DLG2: variants seen among roughly 807,000 people sequenced by gnomAD.
DLG2 encodes disks large homolog 2.
In DLG2, 45 loss-of-function variants were observed where a neutral mutation model predicts 132.5. The observed-to-expected ratio is 0.34, with a 90% CI of 0.27 to 0.44. The LOEUF (loss-of-function observed/expected upper bound fraction) is 0.44, where lower values mean the gene tolerates loss of function less well. Ranked by LOEUF, DLG2 falls within the 20% of genes least tolerant of loss-of-function variation. The pLI, the probability that DLG2 is intolerant of heterozygous loss-of-function variation, is 1.00. For missense variants in DLG2, 1,045 were observed against 1,196.9 expected (o/e 0.87, Z 1.87); for synonymous variants, 424 against 419.6 (o/e 1.01, Z -0.13).
intron 18 of DLG2, among the ~76,000 whole-genome samples, chr11:83,724,458 C>CGT (rs150976898): frequency 0.076 from 9,221 of 121,180 alleles, 496 homozygotes; most frequent in African/African-American, 0.17. Flanking sequence ...TCTCTCTCTC[C>CGT]GTGTGTGTGT....
chr11:85,513,571 A>G (rs2094119064), intron 3 of DLG2, among the ~76,000 whole-genome samples: 1 of 151,896 alleles, frequency 6.6e-6, no homozygotes, highest in Non-Finnish European at 1.5e-5. Flanking sequence ...TTCAATGAGC[A>G]CTTATCTTTC....
intron 6 of DLG2, among the ~76,000 whole-genome samples, chr11:85,028,346 C>CTCACCATAAGTTCT (rs2060714452): frequency 6.6e-6 from 1 of 152,172 alleles, no homozygotes; most frequent in African/African-American, 2.4e-5. Context: ...TCACTGTAAG[C>CTCACCATAAGTTCT]CACGGACTCT....
At chr11:84,782,813 T>C (rs750531618) in intron 6 of DLG2, among the ~76,000 whole-genome samples, 1 of 152,172 alleles carries the variant, frequency 6.6e-6, no homozygotes, top group Non-Finnish European at 1.5e-5. Flanking sequence ...TGGTCCTATA[T>C]AGTTATTTTG....
chr11:85,237,346 A>G (rs1445300001), intron 4 of DLG2, among the ~76,000 whole-genome samples: 5 of 152,120 alleles, frequency 3.3e-5, no homozygotes, highest in Non-Finnish European at 5.9e-5. Context: ...GGGTTTGTAC[A>G]AAAACCCTTA....
chr11:84,097,119 T>A (rs1304697612), intron 10 of DLG2, among the ~76,000 whole-genome samples: 8 of 152,212 alleles, frequency 5.3e-5, no homozygotes. Flanking sequence ...TGTGGCTCCA[T>A]GCACGCTAAA....
intron 6 of DLG2, among the ~76,000 whole-genome samples, chr11:84,868,580 TAGGAGGCAGTTGACTTTTGAA>T (rs1212050520): frequency 1.3e-5 from 2 of 152,094 alleles, no homozygotes; most frequent in African/African-American, 4.8e-5. Context: ...TCTCCTAGGC[TAGGAGGCAGTTGACTTTTGAA>T]AGGAAATAGG....
At chr11:85,126,675 G>C (rs896859931) in intron 5 of DLG2, among the ~76,000 whole-genome samples, 7 of 151,970 alleles carry the variant, frequency 4.6e-5, no homozygotes, top group Non-Finnish European at 1.0e-4. Context: ...CAGACATTTG[G>C]TTGGAATGAC....
At chr11:85,215,566 T>C (rs1002038567) in intron 4 of DLG2, among the ~76,000 whole-genome samples, 10 of 152,146 alleles carry the variant, frequency 6.6e-5, no homozygotes, top group African/African-American at 2.4e-4. Context: ...TTTTTAATTA[T>C]AGGAGACGAT....
chr11:84,031,480 A>C (rs1593485762), intron 11 of DLG2, among the ~76,000 whole-genome samples: 1 of 152,256 alleles, frequency 6.6e-6, no homozygotes, highest in Admixed American at 6.6e-5. Context: ...AAAAGGAGGG[A>C]TGAATTAATT....
intron 6 of DLG2, among the ~76,000 whole-genome samples, chr11:84,589,972 T>C (rs1168446939): frequency 6.6e-6 from 1 of 152,234 alleles, no homozygotes; most frequent in Non-Finnish European, 1.5e-5. Context: ...GTGTACCACC[T>C]ATGTTTAATA....
At position 84,493,833 on chromosome 11, in the gene DLG2, G is replaced by T. The variant is rs550269741; in HGVS notation, c.519+40737C>A. On this transcript the variant is annotated intron_variant, in intron 7 of 27. Transcript: ENST00000376104. ...CAAAAAAAGGATGTTAAAAAAACTA[G>T]TGATACTTCACATCTCTTCAATAAT... 6.4e-4 allele frequency among the ~76,000 whole-genome samples: 98 copies of T among 152,294 alleles called. 1 individual carries two copies. Among genetic ancestry groups the T allele is most frequent in the Admixed American group, 9.2e-4 (14 of 15,290 alleles).
intron 8 of DLG2, among the ~76,000 whole-genome samples, chr11:84,174,020 T>A (rs954763069): frequency 7.2e-6 from 1 of 138,290 alleles, no homozygotes; most frequent in African/African-American, 2.7e-5. Context: ...CGGCCTTTTT[T>A]TTTTTTTTTT....
Position 84,861,631 on chromosome 11 carries a change from AAAAAAAAAC to A in DLG2, c.357+250021_357+250029del, listed in dbSNP as rs1179064301. Among the ~76,000 whole-genome samples the A allele has an allele frequency of 5.6e-4, 41 of 73,014 alleles. 2 individuals carry two copies. The highest frequency in any genetic ancestry group is 9.9e-4 in the African/African-American group (20 of 20,174). 47.9% of individuals were successfully genotyped at this position (73,014 alleles called of 152,430 possible). A position where few individuals can be genotyped will look rare whatever the true frequency, so the allele number is the denominator to read the frequency against. ...GCTTCTACACAGCAAAAAAAAAAAA[AAAAAAAAAC>A]AAAAAAAAAAACCTATCAGAGGGAA... On this transcript the variant is annotated intron_variant, in intron 6 of 27. Coordinates refer to ENST00000376104, the MANE Select transcript of DLG2 (RefSeq NM_001142699.3).
chr11:84,415,574 T>C (rs2098926621), intron 7 of DLG2, among the ~76,000 whole-genome samples: 1 of 152,190 alleles, frequency 6.6e-6, no homozygotes, highest in African/African-American at 2.4e-5. Context: ...TATCAATGAA[T>C]GCATATTGTC....
chr11:83,981,728 C>T (rs1185465975), intron 11 of DLG2, among the ~76,000 whole-genome samples: 4 of 152,178 alleles, frequency 2.6e-5, no homozygotes, highest in Non-Finnish European at 2.9e-5. Flanking sequence ...TGAGCCACCA[C>T]GTCCTGCCAA....
At chr11:85,079,609 T>C (rs2066989101) in intron 6 of DLG2, among the ~76,000 whole-genome samples, 1 of 152,046 alleles carries the variant, frequency 6.6e-6, no homozygotes, top group South Asian at 2.1e-4. Context: ...CTGCCTGCTC[T>C]GGGTCTATCC....
At chr11:85,069,174 T>C (rs2065392359) in intron 6 of DLG2, among the ~76,000 whole-genome samples, 2 of 151,166 alleles carry the variant, frequency 1.3e-5, no homozygotes, top group Admixed American at 6.6e-5. Flanking sequence ...AAGACTTAAA[T>C]GTTAGACCTA....
chr11:83,980,683 G>A, intron 11 of DLG2, 41 bp from the exon 12 acceptor site: 1 of 1,458,444 alleles, frequency 6.9e-7, no homozygotes, highest in Non-Finnish European at 9.1e-7. Context: ...TTGTTTTGTT[G>A]TTGTAGTTGT....
intron 14 of DLG2, among the ~76,000 whole-genome samples, chr11:83,961,400 A>G (rs2088731555): frequency 6.6e-6 from 1 of 152,054 alleles, no homozygotes. Context: ...TTTTAATATT[A>G]GAAAATTAAA....
Sources: gnomAD v4.1 joint callset for allele counts (sites outside exome capture counted in the v4.1 genomes callset) on GRCh38, gnomAD v4.1.1 for gene constraint, MANE v1.5 for transcripts, NCBI Gene and HGNC (gene_info 2026-07-23, HGNC 2026-07-21) for gene names.